SRP68: variants seen among roughly 807,000 people sequenced by gnomAD.
The protein encoded by SRP68 is signal recognition particle subunit SRP68.
In SRP68, 15 loss-of-function variants were observed where a neutral mutation model predicts 82.2. The ratio of observed to expected loss-of-function variants is 0.18; its 90% confidence interval spans 0.12 to 0.28. SRP68 has a LOEUF of 0.28. Ranked by LOEUF, SRP68 falls within the 10% of genes least tolerant of loss-of-function variation. The pLI is 1.00. For synonymous variants in SRP68, 261 were observed against 292.6 expected (o/e 0.89, Z 1.10); for missense variants, 595 against 780.5 (o/e 0.76, Z 2.83).
chr17:76,065,621 A>G (rs904136772), intron 3 of SRP68, among the ~76,000 whole-genome samples: 2 of 152,050 alleles, frequency 1.3e-5, no homozygotes, highest in Non-Finnish European at 2.9e-5. Flanking sequence ...AGAGCTTTAC[A>G]GTTCCTAGAC....
intron 13 of SRP68, 138 bp from the exon 14 acceptor site, chr17:76,041,116 A>C: frequency 1.7e-6 from 1 of 585,924 alleles, no homozygotes; most frequent in Non-Finnish European, 3.0e-6. Context: ...ATTAGAACAA[A>C]ACAAAACAAA....
rs1319603314 is a variant in SRP68 at position 76,072,052 on chromosome 17, C to G, written c.184+256G>C. 3.2e-6 allele frequency: 2 copies of G among 630,430 alleles called. No individual in the cohort carries two copies. The highest frequency in any genetic ancestry group is 3.9e-5 in the African/African-American group (2 of 51,512). 39.1% of individuals were successfully genotyped at this position (630,430 alleles called of 1,614,324 possible). On this transcript the variant is annotated intron_variant, in intron 1 of 15. Coordinates refer to ENST00000307877, the MANE Select transcript of SRP68 (RefSeq NM_014230.4). This position sits in a 1 kb window ranked among gnomAD's most constrained non-coding sequence, Gnocchi z 4.5. Reference sequence around the variant, plus strand: ...CCTCCAACTGGACAACTGCGGGGCACCAGGGGAAACCTGCCTGATATCCCA... The same window carrying G: ...CCTCCAACTGGACAACTGCGGGGCAGCAGGGGAAACCTGCCTGATATCCCA...
intron 2 of SRP68, among the ~76,000 whole-genome samples, chr17:76,069,958 T>G (rs2066837118): frequency 6.6e-6 from 1 of 151,004 alleles, no homozygotes; most frequent in Admixed American, 6.6e-5. Context: ...ATGCCTATAA[T>G]CCCAGGTACT....
intron 2 of SRP68, among the ~76,000 whole-genome samples, chr17:76,069,040 C>A (rs762865622): frequency 6.7e-5 from 10 of 150,054 alleles, no homozygotes; most frequent in Non-Finnish European, 1.3e-4. Context: ...ATTGCACCAA[C>A]CTTTAAGTCA....
chr17:76,057,969 C>A (rs1442410120), intron 7 of SRP68, among the ~76,000 whole-genome samples: 1 of 149,412 alleles, frequency 6.7e-6, no homozygotes, highest in African/African-American at 2.5e-5. Context: ...GCCACTGTGC[C>A]AGGCCTCTTT....
At chr17:76,068,268 G>A (rs897983194) in intron 2 of SRP68, among the ~76,000 whole-genome samples, 1 of 151,930 alleles carries the variant, frequency 6.6e-6, no homozygotes, top group East Asian at 1.9e-4. Context: ...CTTCAGCCTG[G>A]GCAACAACAG....
In SRP68 at chr17:76,039,607, C is replaced by A. The variant is rs2066573702; in HGVS notation, c.*99G>T. The A allele has an allele frequency of 8.4e-7, 1 of 1,184,730 alleles. No homozygotes were observed. Among genetic ancestry groups the A allele is most frequent in the Admixed American group, 2.1e-5 (1 of 46,772 alleles). The allele number at this position is 1,184,730 out of a possible 1,614,324, so 73.4% of individuals were successfully genotyped here. A position where few individuals can be genotyped will look rare whatever the true frequency, so the allele number is the denominator to read the frequency against. On this transcript the variant is annotated 3_prime_UTR_variant, in exon 16 of 16. Transcript: ENST00000307877. ...GAAGATGTTAAACTCTTGCCCCGGG[C>A]CAATGCAGACCTGGATTTAATATCA... is the stretch of plus-strand genomic sequence containing the variant.
Position 76,072,148 on chromosome 17 carries a change from A to ACG in SRP68, c.184+159_184+160insCG, listed in dbSNP as rs1863171476. ...CGAGGAAAGACTAGTCGAGAGACAG[A>ACG]CCCCCCCCGGAATTCTGAGCACCAA... is the stretch of plus-strand genomic sequence containing the variant. On this transcript the variant is annotated intron_variant, in intron 1 of 15. Coordinates refer to ENST00000307877, the MANE Select transcript of SRP68 (RefSeq NM_014230.4). This position sits in a 1 kb window ranked among gnomAD's most constrained non-coding sequence, Gnocchi z 4.5. 4 of 1,264,230 alleles carry ACG rather than the reference A, an allele frequency of 3.2e-6. No homozygotes were observed. In the Admixed American group the frequency reaches 1.0e-4, roughly 32 times the overall value. 78.3% of individuals were successfully genotyped at this position (1,264,230 alleles called of 1,614,324 possible).
intron 4 of SRP68, among the ~76,000 whole-genome samples, chr17:76,062,587 A>T (rs8076521): frequency 0.3 from 9,381 of 30,790 alleles, 1,363 homozygotes; most frequent in African/African-American, 0.54. Flanking sequence ...ACATTATATA[A>T]TATATAATAT....
chr17:76,056,751 C>T (rs140181604), intron 8 of SRP68, among the ~76,000 whole-genome samples: 1 of 152,216 alleles, frequency 6.6e-6, no homozygotes, highest in East Asian at 1.9e-4. Flanking sequence ...CCTGATGAGG[C>T]AGTAGACTGT....
In SRP68 at chr17:76,070,216, C is replaced by T. The variant is rs568499782; in HGVS notation, c.251+162G>A. 2.8e-3 allele frequency among the ~76,000 whole-genome samples: 346 copies of T among 124,128 alleles called. 3 individuals are homozygous for T. The highest frequency in any genetic ancestry group is 0.012 in the African/African-American group (329 of 27,124). 81.4% of individuals were successfully genotyped at this position (124,128 alleles called of 152,430 possible). On this transcript the variant is annotated intron_variant, in intron 2 of 15. Coordinates refer to ENST00000307877, the MANE Select transcript of SRP68 (RefSeq NM_014230.4). Reference sequence around the variant, plus strand: ...TCCAGCCTGGCGACAGAGCGAGACTCCATCTCAAAAAAAAAAAAAAAAACA... The same window carrying T: ...TCCAGCCTGGCGACAGAGCGAGACTTCATCTCAAAAAAAAAAAAAAAAACA...
At chr17:76,063,054 G>A (rs1037873780) in intron 4 of SRP68, among the ~76,000 whole-genome samples, 16 of 151,732 alleles carry the variant, frequency 1.1e-4, no homozygotes, top group East Asian at 2.0e-4. Flanking sequence ...ACAGGCGTGA[G>A]CCACCACGCC....
In SRP68 at chr17:76,062,657, T is replaced by TTATATAA. The variant is rs74221133; in HGVS notation, c.562-1090_562-1084dup. On this transcript the variant is annotated intron_variant, in intron 4 of 15. Coordinates refer to ENST00000307877, the MANE Select transcript of SRP68 (RefSeq NM_014230.4). ...TATATTATATAATATACATTATATA[T>TTATATAA]TATATAATATACATTATATAATATA... Among the ~76,000 whole-genome samples, 244 of 26,360 alleles carry TTATATAA rather than the reference T, an allele frequency of 9.3e-3. 65 individuals carry two copies. In the African/African-American group the frequency reaches 0.13, roughly 14 times the overall value. The allele number at this position is 26,360 out of a possible 152,430, so 17.3% of individuals were successfully genotyped here. A position where few individuals can be genotyped will look rare whatever the true frequency, so the allele number is the denominator to read the frequency against.
intron 8 of SRP68, among the ~76,000 whole-genome samples, chr17:76,052,998 A>G (rs2144501857): frequency 6.6e-6 from 1 of 151,724 alleles, no homozygotes; most frequent in East Asian, 1.9e-4. Flanking sequence ...GCGGTGGCTC[A>G]CGCCTGTAAT....
At chr17:76,061,717 T>G (rs192084332) in intron 4 of SRP68, 143 bp from the exon 5 acceptor site, 4 of 586,510 alleles carry the variant, frequency 6.8e-6, no homozygotes, top group Admixed American at 2.9e-5. Context: ...TCCCAGCACT[T>G]TGGGAGGCCC....
chr17:76,045,955 G>A (rs1299518005), intron 11 of SRP68, 83 bp downstream of exon 11: 47 of 1,554,852 alleles, frequency 3.0e-5, no homozygotes, highest in East Asian at 4.5e-5. Context: ...CAGCCCTTCC[G>A]TGATACAAAG....
intron 6 of SRP68, among the ~76,000 whole-genome samples, chr17:76,060,909 C>T (rs1458891984): frequency 1.3e-5 from 2 of 152,216 alleles, no homozygotes; most frequent in African/African-American, 4.8e-5. Flanking sequence ...AGGACAGACA[C>T]AGAAGCAGAA....
chr17:76,071,616 T>G lies in SRP68; in HGVS notation c.184+692A>C, dbSNP rs1463068162. 6.6e-6 allele frequency among the ~76,000 whole-genome samples: 1 copy of G among 152,218 alleles called. No homozygotes were observed. Among genetic ancestry groups the G allele is most frequent in the Non-Finnish European group, 1.5e-5 (1 of 68,036 alleles). On this transcript the variant is annotated intron_variant, in intron 1 of 15. Transcript: ENST00000307877. The surrounding 1 kb of genome is among the most constrained non-coding windows in gnomAD (Gnocchi z 4.7). Reference sequence around the variant, plus strand: ...GCACATTAAGATGTCAAGTTGAATGTGTTATTTCAGAAACTCGCCTACGTT... The same window carrying G: ...GCACATTAAGATGTCAAGTTGAATGGGTTATTTCAGAAACTCGCCTACGTT...
intron 10 of SRP68, among the ~76,000 whole-genome samples, chr17:76,047,133 A>T (rs2066638156): frequency 6.6e-6 from 1 of 152,082 alleles, no homozygotes; most frequent in South Asian, 2.1e-4. Flanking sequence ...TGTTTTGAGA[A>T]TCTTGAGTCA....
Sources: gnomAD v4.1 joint callset for allele counts (sites outside exome capture counted in the v4.1 genomes callset) on GRCh38, gnomAD v4.1.1 for gene constraint, Gnocchi (gnomAD v3.1) non-coding constraint, MANE v1.5 for transcripts, NCBI Gene and HGNC (gene_info 2026-07-23, HGNC 2026-07-21) for gene names.